The following NR3C2 variants were observed in gnomAD, a reference collection of about 807,000 sequenced individuals.
The protein encoded by NR3C2 is nuclear receptor subfamily 3 group C member 2, also known as mineralocorticoid receptor.
A neutral mutation model predicts 86.4 loss-of-function variants in NR3C2; 15 were observed. That is an observed-to-expected ratio of 0.17 (90% confidence interval 0.12 to 0.27). NR3C2 has a LOEUF of 0.27. Among genes scored for constraint, NR3C2 ranks in the 10% least tolerant of loss-of-function variants. The pLI is 1.00. For synonymous variants in NR3C2, 458 were observed against 450.5 expected (o/e 1.02, Z -0.21); for missense variants, 960 against 1,195.6 (o/e 0.80, Z 2.91).
At chr4:148,337,484 G>A (rs1009744520) in intron 2 of NR3C2, among the ~76,000 whole-genome samples, 2 of 152,170 alleles carry the variant, frequency 1.3e-5, no homozygotes, top group African/African-American at 4.8e-5. Flanking sequence ...CAAATTTTAA[G>A]CAGGGATGCT....
intron 2 of NR3C2, among the ~76,000 whole-genome samples, chr4:148,325,601 C>T (rs941610161): frequency 2.6e-5 from 4 of 152,104 alleles, no homozygotes; most frequent in African/African-American, 9.7e-5. Context: ...TATCATCTAC[C>T]AAGTGCGTTA....
chr4:148,268,592 A>G (rs1307801679), intron 2 of NR3C2, among the ~76,000 whole-genome samples: 1 of 152,230 alleles, frequency 6.6e-6, no homozygotes, highest in Non-Finnish European at 1.5e-5. Flanking sequence ...AGTCTTCCAC[A>G]ATTTACTTTT....
At chr4:148,261,561 A>G (rs1740125531) in intron 2 of NR3C2, among the ~76,000 whole-genome samples, 1 of 152,236 alleles carries the variant, frequency 6.6e-6, no homozygotes, top group Admixed American at 6.5e-5. Context: ...TGAGTTTTGA[A>G]GCATGACTAG....
intron 2 of NR3C2, among the ~76,000 whole-genome samples, chr4:148,418,844 T>G (rs987062753): frequency 6.6e-6 from 1 of 152,214 alleles, no homozygotes; most frequent in Admixed American, 6.5e-5. Context: ...GATAGGTAAC[T>G]TGCTCAAGGC....
intron 2 of NR3C2, among the ~76,000 whole-genome samples, chr4:148,292,138 C>CA (rs889980671): frequency 2.6e-5 from 4 of 151,320 alleles, no homozygotes; most frequent in African/African-American, 4.9e-5. Context: ...CTTTTTTCTT[C>CA]AAAAATACTT....
intron 8 of NR3C2, among the ~76,000 whole-genome samples, chr4:148,089,948 G>A (rs577251444): frequency 5.9e-5 from 9 of 152,336 alleles, no homozygotes; most frequent in African/African-American, 1.7e-4. Flanking sequence ...GTTTTAACCC[G>A]AGGGTAGACA....
intron 6 of NR3C2, among the ~76,000 whole-genome samples, chr4:148,126,685 A>C (rs1732761711): frequency 6.6e-6 from 1 of 152,198 alleles, no homozygotes; most frequent in Non-Finnish European, 1.5e-5. Context: ...CACCTAAAGA[A>C]AGCATTTTTT....
intron 3 of NR3C2, among the ~76,000 whole-genome samples, chr4:148,251,248 C>T (rs72950143): frequency 0.015 from 2,261 of 152,210 alleles, 48 homozygotes; most frequent in African/African-American, 0.051. Context: ...CGTGAGCCAC[C>T]GCACCCAACA....
chr4:148,427,804 T>G (rs1004692424), intron 2 of NR3C2, among the ~76,000 whole-genome samples: 1 of 152,018 alleles, frequency 6.6e-6, no homozygotes, highest in African/African-American at 2.4e-5. Context: ...CAAGGAATGA[T>G]AGGGACAAGG....
intron 2 of NR3C2, among the ~76,000 whole-genome samples, chr4:148,299,151 A>G (rs1742205368): frequency 6.6e-6 from 1 of 152,124 alleles, no homozygotes; most frequent in Admixed American, 6.5e-5. Flanking sequence ...CTCACCTTTC[A>G]ATGTGTCCAT....
At chr4:148,405,493 T>A (rs1037217544) in intron 2 of NR3C2, among the ~76,000 whole-genome samples, 11 of 152,164 alleles carry the variant, frequency 7.2e-5, no homozygotes, top group Admixed American at 2.6e-4. Flanking sequence ...TAGGGAAGGA[T>A]TTCACTTTTG....
rs1741697741 is a variant in NR3C2, at chr4:148,289,543, C to A, written c.1758-29426G>T. On this transcript the variant is annotated intron_variant, in intron 2 of 8. Coordinates refer to ENST00000358102, the MANE Select transcript of NR3C2 (RefSeq NM_000901.5). ...ATCCAATTATAGTATTTTTAAAATA[C>A]CAAAATGACTGACAATCATAAAGAC... 2.0e-5 allele frequency among the ~76,000 whole-genome samples: 3 copies of A among 152,154 alleles called. No individual in the cohort carries two copies. In the South Asian group the frequency reaches 6.2e-4, roughly 32 times the overall value.
At chr4:148,178,414 T>C (rs1735483517) in intron 4 of NR3C2, among the ~76,000 whole-genome samples, 1 of 151,832 alleles carries the variant, frequency 6.6e-6, no homozygotes, top group African/African-American at 2.4e-5. Flanking sequence ...AACTGATTTT[T>C]TTTCACTTTT....
intron 4 of NR3C2, among the ~76,000 whole-genome samples, chr4:148,186,763 C>G (rs1395969350): frequency 6.7e-6 from 1 of 149,832 alleles, no homozygotes; most frequent in African/African-American, 2.5e-5. Context: ...CCCTTACCCC[C>G]CTCCCACTCT....
At position 148,436,393 on chromosome 4, in the gene NR3C2, A is replaced by G. The variant is rs1553943253; in HGVS notation, c.468T>C (p.Cys156=). 1 of 1,614,092 alleles carries G rather than the reference A, an allele frequency of 6.2e-7. No individual in the cohort carries two copies. The highest frequency in any genetic ancestry group is 1.3e-5 in the African/African-American group (1 of 74,942). The change falls in exon 2 of 9, where the codon TGT becomes TGC. Residue 156 remains cysteine, a synonymous_variant. Coordinates refer to ENST00000358102, the MANE Select transcript of NR3C2 (RefSeq NM_000901.5). ...GNGHRPSTLS[C]VNTPLRSFMS... Reference sequence around the variant, plus strand: ...TAAATGATCTCAAGGGCGTGTTCACACAACTTAGAGTGGAAGGACGATGGC... The same window carrying G: ...TAAATGATCTCAAGGGCGTGTTCACGCAACTTAGAGTGGAAGGACGATGGC...
chr4:148,242,689 G>A (rs1026104963), intron 3 of NR3C2, among the ~76,000 whole-genome samples: 1 of 152,140 alleles, frequency 6.6e-6, no homozygotes, highest in African/African-American at 2.4e-5. Flanking sequence ...CACAGAAGCA[G>A]GGGAAAGACT....
intron 2 of NR3C2, among the ~76,000 whole-genome samples, chr4:148,376,952 GAAATTA>G (rs1399760297): frequency 1.3e-5 from 2 of 152,020 alleles, no homozygotes; most frequent in Non-Finnish European, 2.9e-5. Flanking sequence ...AAATAAAATG[GAAATTA>G]AAATTAAGTA....
chr4:148,273,158 C>A (rs1320637244), intron 2 of NR3C2, among the ~76,000 whole-genome samples: 1 of 152,108 alleles, frequency 6.6e-6, no homozygotes, highest in Admixed American at 6.6e-5. Context: ...GATGAAATCT[C>A]CTATGTTTGA....
intron 4 of NR3C2, among the ~76,000 whole-genome samples, chr4:148,183,232 T>A (rs112651241): frequency 6.6e-6 from 1 of 152,244 alleles, no homozygotes; most frequent in Middle Eastern, 3.4e-3. Flanking sequence ...TGATGGACAT[T>A]TGGGTTGGTT....
Sources: allele counts gnomAD v4.1 joint callset (sites outside exome capture counted in the v4.1 genomes callset), GRCh38; gene constraint gnomAD v4.1.1; transcripts MANE v1.5; gene names NCBI Gene and HGNC (gene_info 2026-07-23, HGNC 2026-07-21).